The following KHDRBS3 variants were observed in gnomAD, a reference collection of about 807,000 sequenced individuals.
The protein encoded by KHDRBS3 is KH RNA binding domain containing, signal transduction associated 3.
Under a neutral mutation model 45.6 loss-of-function variants are expected in KHDRBS3, and 23 were observed. That is an observed-to-expected ratio of 0.50 (90% CI 0.36 to 0.72). The LOEUF (loss-of-function observed/expected upper bound fraction) is 0.72, where lower values mean the gene tolerates loss of function less well. KHDRBS3 is among the 30% of genes least tolerant of loss of function. KHDRBS3 has a pLI of 0.00. For synonymous variants in KHDRBS3, 162 were observed against 156.5 expected, an observed-to-expected ratio of 1.04 and a Z score of -0.26; for missense variants, 352 against 424.8, an observed-to-expected ratio of 0.83 and a Z score of 1.51.
chr8:135,461,011 C>T (rs138737873), intron 1 of KHDRBS3, among the ~76,000 whole-genome samples: 5 of 152,222 alleles, frequency 3.3e-5, no homozygotes, highest in East Asian at 1.9e-4. Context: ...TGTGTTTCAT[C>T]GTGGGCACTG....
intron 7 of KHDRBS3, among the ~76,000 whole-genome samples, chr8:135,609,228 A>G (rs1390090634): frequency 6.6e-6 from 1 of 151,842 alleles, no homozygotes; most frequent in African/African-American, 2.4e-5. Flanking sequence ...ACACAAATAC[A>G]TTGTACAGCT....
chr8:135,478,301 T>C (rs528246376), intron 1 of KHDRBS3, among the ~76,000 whole-genome samples: 52 of 152,356 alleles, frequency 3.4e-4, no homozygotes, highest in African/African-American at 1.2e-3. Flanking sequence ...ACCACTAAGT[T>C]TGTAATAATT....
At chr8:135,519,179 A>G (rs918978714) in intron 1 of KHDRBS3, among the ~76,000 whole-genome samples, 4 of 152,150 alleles carry the variant, frequency 2.6e-5, no homozygotes, top group Admixed American at 1.3e-4. Context: ...TCTTATCTTC[A>G]GTTTCTACCC....
chr8:135,625,565 G>A, intron 7 of KHDRBS3: 1 of 935,936 alleles, frequency 1.1e-6, no homozygotes, highest in South Asian at 1.3e-5. Flanking sequence ...AGCAACGAGA[G>A]AGGGAGCCAC....
At chr8:135,470,774 C>T (rs756834737) in intron 1 of KHDRBS3, among the ~76,000 whole-genome samples, 3 of 151,900 alleles carry the variant, frequency 2.0e-5, no homozygotes, top group South Asian at 4.2e-4. Context: ...TTAGTAGAGA[C>T]GAAGTTTCAC....
intron 2 of KHDRBS3, among the ~76,000 whole-genome samples, chr8:135,538,227 G>A (rs1825872542): frequency 6.6e-6 from 1 of 152,178 alleles, no homozygotes; most frequent in South Asian, 2.1e-4. Context: ...TTGTCTGCTG[G>A]TTCAGATTGA....
chr8:135,557,355 C>T, intron 4 of KHDRBS3, 93 bp from the exon 5 acceptor site: 1 of 641,006 alleles, frequency 1.6e-6, no homozygotes. Flanking sequence ...TTTCCTAACC[C>T]TTTTTTCTAT....
intron 1 of KHDRBS3, among the ~76,000 whole-genome samples, chr8:135,500,872 G>A (rs1450604377): frequency 6.6e-6 from 1 of 152,116 alleles, no homozygotes; most frequent in Non-Finnish European, 1.5e-5. Flanking sequence ...GATTAACTAG[G>A]AATTAGTGGA....
intron 5 of KHDRBS3, among the ~76,000 whole-genome samples, chr8:135,566,492 A>C (rs947004643): frequency 1.3e-5 from 2 of 152,192 alleles, no homozygotes; most frequent in African/African-American, 2.4e-5. Context: ...ACAGTAGAGG[A>C]TGAAGTAGAT....
intron 5 of KHDRBS3, among the ~76,000 whole-genome samples, chr8:135,561,483 A>T (rs1012903653): frequency 6.6e-6 from 1 of 151,702 alleles, no homozygotes; most frequent in African/African-American, 2.4e-5. Context: ...TCATAATCCA[A>T]ACCTCTCCTC....
At chr8:135,628,476 T>G (rs555671921) in intron 7 of KHDRBS3, among the ~76,000 whole-genome samples, 1 of 152,196 alleles carries the variant, frequency 6.6e-6, no homozygotes, top group Non-Finnish European at 1.5e-5. Context: ...AAACCTAAAT[T>G]TATGAAATAG....
intron 2 of KHDRBS3, among the ~76,000 whole-genome samples, chr8:135,528,642 G>A (rs915425763): frequency 6.6e-6 from 1 of 152,134 alleles, no homozygotes; most frequent in Non-Finnish European, 1.5e-5. Context: ...GACCTTTGTG[G>A]TGCTATAGCA....
At chr8:135,625,804 T>G in intron 7 of KHDRBS3, 1 of 769,222 alleles carries the variant, frequency 1.3e-6, no homozygotes, top group Non-Finnish European at 2.4e-6. Flanking sequence ...AATTTCACTT[T>G]CTTCAAGGCG....
In KHDRBS3 at chr8:135,521,232, C is replaced by T; in HGVS notation, c.89-5C>T. 2.5e-6 allele frequency: 4 copies of T among 1,580,848 alleles called. No homozygotes were observed. Among genetic ancestry groups the T allele is most frequent in the Non-Finnish European group, 3.5e-6 (4 of 1,150,416 alleles). On this transcript the variant is annotated splice_polypyrimidine_tract_variant and splice_region_variant and intron_variant, in intron 1 of 8. Coordinates refer to ENST00000355849, the MANE Select transcript of KHDRBS3 (RefSeq NM_006558.3). ...CACTTCATGGTTATCTTTTTGCCTC[C>T]ACAGAAATAGAAAAGTTTCAAAAAG... is the stretch of plus-strand genomic sequence containing the variant.
At chr8:135,560,191 A>G (rs999585900) in intron 5 of KHDRBS3, among the ~76,000 whole-genome samples, 6 of 152,172 alleles carry the variant, frequency 3.9e-5, no homozygotes, top group Non-Finnish European at 7.3e-5. Context: ...AGTGATATAT[A>G]TATATCTCTT....
At chr8:135,625,633 C>T (rs1212918242) in intron 7 of KHDRBS3, 5 of 869,992 alleles carry the variant, frequency 5.7e-6, no homozygotes, top group Non-Finnish European at 9.8e-6. Flanking sequence ...TCATAATTTG[C>T]ATCAAAAAAC....
chr8:135,643,745 A>G (rs952212873), intron 7 of KHDRBS3, among the ~76,000 whole-genome samples: 3 of 152,202 alleles, frequency 2.0e-5, no homozygotes, highest in African/African-American at 7.2e-5. Flanking sequence ...GTAGTCACAG[A>G]GATTCAGTTA....
At position 135,494,480 on chromosome 8, in the gene KHDRBS3, G is replaced by C. The variant is rs546077250; in HGVS notation, c.89-26757G>C. On this transcript the variant is annotated intron_variant, in intron 1 of 8. Transcript: ENST00000355849. ...TTTTTAGTAGAGACGGGGTTTCACCGTGTTAGCCAGGATGGTCTAGATCTC... is the reference window on the plus strand; with the variant it reads ...TTTTTAGTAGAGACGGGGTTTCACCCTGTTAGCCAGGATGGTCTAGATCTC... 4.0e-5 allele frequency among the ~76,000 whole-genome samples: 6 copies of C among 151,874 alleles called. No individual in the cohort carries two copies. The East Asian group carries it at 9.8e-4, about 25-fold the overall frequency.
At chr8:135,540,084 G>C (rs1825969656) in intron 2 of KHDRBS3, 1 of 151,978 alleles carries the variant, frequency 6.6e-6, no homozygotes, top group Admixed American at 6.6e-5. Flanking sequence ...ATGACTATTT[G>C]ACTATCAAAA....
Sources: allele counts gnomAD v4.1 joint callset (sites outside exome capture counted in the v4.1 genomes callset), GRCh38; gene constraint gnomAD v4.1.1; transcripts MANE v1.5; gene names NCBI Gene and HGNC (gene_info 2026-07-23, HGNC 2026-07-21).